The following CNGB3 variants were observed in gnomAD, a reference collection of about 807,000 sequenced individuals.
The protein encoded by CNGB3 is cyclic nucleotide gated channel subunit beta 3.
A neutral mutation model predicts 92.8 loss-of-function variants in CNGB3; 86 were observed. That is an observed-to-expected ratio of 0.93 (90% CI 0.78 to 1.11). The LOEUF is 1.11. Among genes scored for constraint, CNGB3 ranks in the 50% least tolerant of loss-of-function variants. The pLI is 0.00. For missense variants in CNGB3, 1,026 were observed against 956.8 expected (o/e 1.07, Z -0.95); for synonymous variants, 333 against 332.7 (o/e 1.00, Z -0.01).
chr8:86,741,349 A>C (rs1438643056), intron 1 of CNGB3, among the ~76,000 whole-genome samples: 1 of 152,212 alleles, frequency 6.6e-6, no homozygotes, highest in African/African-American at 2.4e-5. Context: ...AGATGCAAAT[A>C]ATTGCCCAAA....
At chr8:86,614,440 G>A (rs1040468959) in intron 13 of CNGB3, among the ~76,000 whole-genome samples, 1 of 152,010 alleles carries the variant, frequency 6.6e-6, no homozygotes, top group East Asian at 1.9e-4. Flanking sequence ...AAAGGCTTTG[G>A]CCCATTCTCT....
intron 3 of CNGB3, among the ~76,000 whole-genome samples, chr8:86,695,369 T>C (rs1167886279): frequency 9.1e-5 from 3 of 32,910 alleles, no homozygotes; most frequent in African/African-American, 5.7e-4. Context: ...AAAAAATTAT[T>C]TTTTTCTTTG....
intron 15 of CNGB3, among the ~76,000 whole-genome samples, chr8:86,590,674 C>G (rs1475981019): frequency 6.7e-6 from 1 of 149,204 alleles, no homozygotes; most frequent in Non-Finnish European, 1.5e-5. Flanking sequence ...GGCCCCCACT[C>G]TCTTCTGGCT....
At chr8:86,737,042 A>T (rs1407504811) in intron 2 of CNGB3, among the ~76,000 whole-genome samples, 1 of 152,064 alleles carries the variant, frequency 6.6e-6, no homozygotes, top group Non-Finnish European at 1.5e-5. Flanking sequence ...GTCAATGCTG[A>T]TTTTCTATTT....
chr8:86,591,394 C>A (rs953215547), intron 15 of CNGB3, among the ~76,000 whole-genome samples: 4 of 152,018 alleles, frequency 2.6e-5, no homozygotes, highest in Admixed American at 2.6e-4. Flanking sequence ...GAGCTGCATT[C>A]CTTTGGAGGA....
At chr8:86,653,229 G>A (rs1823439645) in intron 7 of CNGB3, among the ~76,000 whole-genome samples, 1 of 151,904 alleles carries the variant, frequency 6.6e-6, no homozygotes, top group South Asian at 2.1e-4. Flanking sequence ...CATTACAAAA[G>A]TATTTATCCT....
intron 15 of CNGB3, among the ~76,000 whole-genome samples, chr8:86,595,632 G>A (rs10108789): frequency 0.91 from 138,146 of 152,158 alleles, 62,978 homozygotes; most frequent in African/African-American, 0.97. Flanking sequence ...AGTATTAATC[G>A]AGTCTTATCT....
intron 6 of CNGB3, 48 bp from the exon 7 acceptor site, chr8:86,654,110 AT>A (rs765404028): frequency 7.2e-6 from 9 of 1,249,804 alleles, no homozygotes; most frequent in East Asian, 7.0e-5. Context: ...TTCATCAATT[AT>A]TTTTTTCTCA....
chr8:86,596,324 C>T (rs552426716), intron 15 of CNGB3, among the ~76,000 whole-genome samples: 184 of 152,068 alleles, frequency 1.2e-3, no homozygotes, highest in African/African-American at 3.9e-3. Flanking sequence ...AATAATCTGC[C>T]CATATATTAC....
intron 15 of CNGB3, among the ~76,000 whole-genome samples, chr8:86,580,197 G>C (rs1018674461): frequency 1.3e-5 from 2 of 150,158 alleles, no homozygotes; most frequent in East Asian, 2.0e-4. Context: ...GCACGGGGGG[G>C]GTGGCGGGGG....
chr8:86,737,614 G>A (rs1825270188), intron 2 of CNGB3, among the ~76,000 whole-genome samples: 1 of 151,746 alleles, frequency 6.6e-6, no homozygotes, highest in Non-Finnish European at 1.5e-5. Context: ...AGGTTCAGGA[G>A]TACATGTGCA....
rs554857720 is a variant in CNGB3, at chr8:86,589,400, T to G, written c.1782-10148A>C. Among the ~76,000 whole-genome samples the G allele has an allele frequency of 7.3e-5, 11 of 150,908 alleles. No homozygotes were observed. In the East Asian group the frequency reaches 2.1e-3, roughly 29 times the overall value. On this transcript the variant is annotated intron_variant, in intron 15 of 17. Coordinates refer to ENST00000320005, the MANE Select transcript of CNGB3 (RefSeq NM_019098.5). ...TGCTAGCTTTTGAATGTGTTTGCTC[T>G]TGCTTCTCTAGTTCTTTTAATTGTG...
At chr8:86,634,332 C>A (rs895514024) in intron 10 of CNGB3, among the ~76,000 whole-genome samples, 5 of 152,104 alleles carry the variant, frequency 3.3e-5, no homozygotes, top group African/African-American at 1.2e-4. Context: ...TGTAGACTAA[C>A]ATAATTGTTC....
At chr8:86,708,092 G>C (rs891683268) in intron 3 of CNGB3, 1 of 152,200 alleles carries the variant, frequency 6.6e-6, no homozygotes, top group Non-Finnish European at 1.5e-5. Context: ...ATTCAACCCA[G>C]GGTTCTGGGC....
chr8:86,671,829 A>C (rs1331279582), intron 3 of CNGB3, among the ~76,000 whole-genome samples: 1 of 152,192 alleles, frequency 6.6e-6, no homozygotes, highest in Non-Finnish European at 1.5e-5. Context: ...TCTTCACCAC[A>C]GCCTCCCAGT....
chr8:86,743,436 A>C, intron 1 of CNGB3, 63 bp downstream of exon 1: 1 of 1,592,126 alleles, frequency 6.3e-7, no homozygotes, highest in Non-Finnish European at 8.6e-7. Context: ...GCAGTGATTA[A>C]ATGCTATTAC....
intron 8 of CNGB3, among the ~76,000 whole-genome samples, chr8:86,647,488 A>C (rs1411279851): frequency 6.6e-6 from 1 of 151,048 alleles, no homozygotes; most frequent in Non-Finnish European, 1.5e-5. Flanking sequence ...GAAAAAAACA[A>C]AAAGTATAAA....
chr8:86,648,095 C>T (rs1186374606), intron 7 of CNGB3, among the ~76,000 whole-genome samples: 1 of 151,164 alleles, frequency 6.6e-6, no homozygotes, highest in Admixed American at 6.6e-5. Context: ...CAACATATTT[C>T]ATTTCCACCT....
intron 3 of CNGB3, among the ~76,000 whole-genome samples, chr8:86,722,382 C>G (rs1343527859): frequency 3.9e-5 from 6 of 152,070 alleles, no homozygotes; most frequent in Non-Finnish European, 8.8e-5. Flanking sequence ...AGGGGTGAAC[C>G]CTGTGTCTTT....
Sources: gnomAD v4.1 joint callset for allele counts (sites outside exome capture counted in the v4.1 genomes callset) on GRCh38, gnomAD v4.1.1 for gene constraint, MANE v1.5 for transcripts, NCBI Gene and HGNC (gene_info 2026-07-23, HGNC 2026-07-21) for gene names.